RESF1: variants seen among roughly 807,000 people sequenced by gnomAD.
RESF1 encodes the protein retroelement silencing factor 1.
In RESF1, 65 loss-of-function variants were observed where a neutral mutation model predicts 134.7. The ratio of observed to expected loss-of-function variants is 0.48; its 90% confidence interval spans 0.40 to 0.59. The LOEUF is 0.59. RESF1 is among the 20% of genes least tolerant of loss of function. The probability of loss-of-function intolerance (pLI) is 0.00; values close to 1 mark genes in which losing one functional copy is unlikely to be tolerated. For synonymous variants in RESF1, 762 were observed against 702.2 expected (o/e 1.09, Z -1.35); for missense variants, 2,274 against 2,002.7 (o/e 1.14, Z -2.59).
intron 3 of RESF1, among the ~76,000 whole-genome samples, chr12:31,978,780 C>T (rs1166551551): frequency 6.9e-6 from 1 of 145,268 alleles, no homozygotes; most frequent in Non-Finnish European, 1.5e-5. Flanking sequence ...CCAGGATGGT[C>T]TCCATCTCCT....
At chr12:31,990,138 C>A (rs542468403) in intron 5 of RESF1, among the ~76,000 whole-genome samples, 1 of 152,244 alleles carries the variant, frequency 6.6e-6, no homozygotes, top group Non-Finnish European at 1.5e-5. Context: ...GAATCTGAAG[C>A]TGAAAACACT....
chr12:31,981,370 C>G lies in RESF1; in HGVS notation c.415C>G (p.Gln139Glu). The G allele has an allele frequency of 6.2e-7, 1 of 1,614,142 alleles. No homozygotes were observed. Among genetic ancestry groups the G allele is most frequent in the Non-Finnish European group, 8.5e-7 (1 of 1,180,030 alleles). The change falls in exon 4 of 6, where the codon CAA (glutamine) becomes GAA (glutamate). Residue 139 changes from glutamine (Q) to glutamate (E), a missense_variant. Coordinates refer to ENST00000312561, the MANE Select transcript of RESF1 (RefSeq NM_018169.4). The part of the protein sequence containing the change: ...HSHIGATVSH[Q>E]TDFGANVPNM... ...TCATATAGGGGCAACTGTATCTCAT[C>G]AAACTGATTTTGGAGCTAACGTACC...
In RESF1 at chr12:31,984,716, A is replaced by G. The variant is rs199921968; in HGVS notation, c.3761A>G (p.Asp1254Gly). 2.5e-6 allele frequency: 4 copies of G among 1,601,124 alleles called. No individual in the cohort carries two copies. The highest frequency in any genetic ancestry group is 1.1e-5 in the South Asian group (1 of 88,004). The change falls in exon 4 of 6, where the codon GAC becomes GGC. Residue 1254 changes from aspartate (D) to glycine (G), a missense_variant. Physicochemically the swap from Asp to Gly is moderately conservative, Grantham distance 94. Coordinates refer to ENST00000312561, the MANE Select transcript of RESF1 (RefSeq NM_018169.4). ...GKSHFPELQD[D>G]SRKDTPKTKH... is the part of the protein sequence containing the mutation. ...AGTCATTTTCCTGAACTACAAGACG[A>G]CAGTAGAAAAGATACACCCAAAACA...
chr12:31,985,943 A>C lies in RESF1; in HGVS notation c.4988A>C (p.Gln1663Pro). The change falls in exon 4 of 6, where the codon CAA becomes CCA. Residue 1663 changes from glutamine to proline, a missense_variant. Physicochemically the swap from Gln to Pro is moderately conservative, Grantham distance 76. Coordinates refer to ENST00000312561, the MANE Select transcript of RESF1 (RefSeq NM_018169.4). Reference protein sequence around the residue: ...KDVKPHPRKEQAPLQVSGIKS... With the variant: ...KDVKPHPRKEPAPLQVSGIKS... ...GTAAAGCCTCATCCTAGGAAGGAGC[A>C]AGCCCCTCTGCAAGGTCCAGTATGA... 2.0e-6 allele frequency: 3 copies of C among 1,487,820 alleles called. No individual in the cohort carries two copies. Among genetic ancestry groups the C allele is most frequent in the Non-Finnish European group, 2.7e-6 (3 of 1,124,666 alleles). 92.2% of individuals were successfully genotyped at this position (1,487,820 alleles called of 1,614,324 possible).
At chr12:31,965,852 CT>C (rs1393119414) in intron 2 of RESF1, among the ~76,000 whole-genome samples, 1 of 146,066 alleles carries the variant, frequency 6.8e-6, no homozygotes, top group Non-Finnish European at 1.5e-5. Context: ...GATCACGCCA[CT>C]GCACTCTAGC....
chr12:31,971,939 G>A (rs939145349), intron 3 of RESF1, among the ~76,000 whole-genome samples: 1 of 152,160 alleles, frequency 6.6e-6, no homozygotes, highest in South Asian at 2.1e-4. Context: ...GGGAGGGGGT[G>A]AGGTTAAGTT....
In RESF1 at chr12:31,987,287, CA is replaced by C; in HGVS notation, c.5054del (p.Lys1685ArgfsTer35). 6.2e-7 allele frequency: 1 copy of C among 1,602,520 alleles called. No homozygotes were observed. ...TKEDWLKFVA[T>X]KKRTQKDSQE... ...GAAGACTGGTTAAAATTTGTTGCTA[CA>C]AAGAAAAGGACACAGAAAGACAGCC... On this transcript the variant is annotated frameshift_variant, in exon 5 of 6. Coordinates refer to ENST00000312561, the MANE Select transcript of RESF1 (RefSeq NM_018169.4). LOFTEE classifies it low-confidence loss of function (END_TRUNC).
At chr12:31,974,736 G>A (rs1409040081) in intron 3 of RESF1, among the ~76,000 whole-genome samples, 1 of 152,080 alleles carries the variant, frequency 6.6e-6, no homozygotes, top group Non-Finnish European at 1.5e-5. Context: ...TGACGTAAAA[G>A]CCAGGGGACA....
chr12:31,967,732 G>A (rs1167894231), intron 2 of RESF1, among the ~76,000 whole-genome samples: 1 of 151,856 alleles, frequency 6.6e-6, no homozygotes, highest in East Asian at 1.9e-4. Context: ...GGCTGACTGG[G>A]TGCTATGGCT....
intron 2 of RESF1, among the ~76,000 whole-genome samples, chr12:31,967,905 C>T (rs777364638): frequency 2.2e-4 from 34 of 152,142 alleles, no homozygotes; most frequent in East Asian, 5.8e-4. Context: ...CCAGGACCAT[C>T]TGGGCTTAGA....
At chr12:31,963,537 C>T (rs1939329099) in intron 2 of RESF1, among the ~76,000 whole-genome samples, 1 of 152,276 alleles carries the variant, frequency 6.6e-6, no homozygotes, top group Middle Eastern at 3.4e-3. Context: ...TCAAGTTGTT[C>T]AGAGCATGCC....
At chr12:31,977,180 A>T (rs1447501219) in intron 3 of RESF1, among the ~76,000 whole-genome samples, 1 of 151,940 alleles carries the variant, frequency 6.6e-6, no homozygotes, top group Non-Finnish European at 1.5e-5. Flanking sequence ...GGGCATAAAG[A>T]TATTCTCATG....
chr12:31,983,360 A>G lies in RESF1; in HGVS notation c.2405A>G (p.Asn802Ser). The change falls in exon 4 of 6, where the codon AAT (asparagine) becomes AGT (serine). Residue 802 changes from asparagine to serine, a missense_variant. Physicochemically the swap from Asn to Ser is conservative, Grantham distance 46. Coordinates refer to ENST00000312561, the MANE Select transcript of RESF1 (RefSeq NM_018169.4). The part of the protein sequence containing the change: ...IKEGSVCSLQ[N>S]QLAENAKATA... ...GAAGGCAGTGTTTGTAGTTTACAAAATCAATTGGCAGAAAATGCAAAGGCA... is the reference window on the plus strand; with the variant it reads ...GAAGGCAGTGTTTGTAGTTTACAAAGTCAATTGGCAGAAAATGCAAAGGCA... 3 of 1,614,072 alleles carry G rather than the reference A, an allele frequency of 1.9e-6. No individual in the cohort carries two copies. Among genetic ancestry groups the G allele is most frequent in the Non-Finnish European group, 2.5e-6 (3 of 1,180,032 alleles).
rs1301407174 is a variant in RESF1, at chr12:31,984,052, C to T, written c.3097C>T (p.Pro1033Ser). The T allele has an allele frequency of 6.2e-7, 1 of 1,613,954 alleles. No homozygotes were observed. The highest frequency in any genetic ancestry group is 1.3e-5 in the African/African-American group (1 of 74,902). The change falls in exon 4 of 6, where the codon CCC becomes TCC. Residue 1033 changes from proline to serine, a missense_variant. Transcript: ENST00000312561. Reference sequence around the variant, plus strand: ...AATAGATGCATCCAGCAACTATACTCCCCAAGATCCTGCAAGAAATGAAAT... The same window carrying T: ...AATAGATGCATCCAGCAACTATACTTCCCAAGATCCTGCAAGAAATGAAAT... ...QEIDASSNYT[P>S]QDPARNEIHS...
intron 2 of RESF1, among the ~76,000 whole-genome samples, chr12:31,965,251 C>G (rs990079836): frequency 6.6e-6 from 1 of 152,142 alleles, no homozygotes; most frequent in Non-Finnish European, 1.5e-5. Context: ...GCCACTGCTC[C>G]CTGCCGGCTA....
Position 31,985,278 on chromosome 12 carries a change from T to A in RESF1, c.4323T>A (p.Ser1441Arg), listed in dbSNP as rs565070464. The part of the protein sequence containing the change: ...VDTKASSSKF[S>R]RILTPKEYLQ... ...CGAAAGCGAGTTCATCTAAATTTAG[T>A]AGAATTCTAACTCCTAAGGAGTATT... Residue 1441 changes from serine to arginine, a missense_variant, in exon 4 of 6, where the codon AGT becomes AGA. By Grantham distance (110) the Ser-to-Arg change is moderately radical (BLOSUM62 -1). Transcript: ENST00000312561. 2 of 1,612,230 alleles carry A rather than the reference T, an allele frequency of 1.2e-6. No individual in the cohort carries two copies. The highest frequency in any genetic ancestry group is 1.7e-4 in the Middle Eastern group (1 of 6,058).
At chr12:31,971,728 G>T (rs951808184) in intron 3 of RESF1, among the ~76,000 whole-genome samples, 2 of 152,098 alleles carry the variant, frequency 1.3e-5, no homozygotes, top group Non-Finnish European at 2.9e-5. Flanking sequence ...ACATCCCCTA[G>T]TTTCAGAATG....
At position 31,983,165 on chromosome 12, in the gene RESF1, C is replaced by A. The variant is rs774658680; in HGVS notation, c.2210C>A (p.Ala737Asp). Residue 737 changes from alanine to aspartate, a missense_variant, in exon 4 of 6, where the codon GCT (alanine) becomes GAT (aspartate). Ala to Asp is a moderately radical substitution (Grantham distance 126). Coordinates refer to ENST00000312561, the MANE Select transcript of RESF1 (RefSeq NM_018169.4). ...ATAAGTAATCCCTCACAGCAGACAG[C>A]TTTGTCGATGGTAATGCACAATTAT... ...NKISNPSQQT[A>D]LSMVMHNYES... 7 of 1,611,294 alleles carry A rather than the reference C, an allele frequency of 4.3e-6. No homozygotes were observed. The highest frequency in any genetic ancestry group is 1.7e-5 in the Admixed American group (1 of 59,394).
At chr12:31,972,545 G>T (rs147431400) in intron 3 of RESF1, among the ~76,000 whole-genome samples, 2,322 of 149,428 alleles carry the variant, frequency 0.016, 61 homozygotes, top group African/African-American at 0.054. Flanking sequence ...GGCGGAGCTC[G>T]CAGTGAGCCA....
Sources: allele counts gnomAD v4.1 joint callset (sites outside exome capture counted in the v4.1 genomes callset), GRCh38; gene constraint gnomAD v4.1.1; transcripts MANE v1.5; gene names NCBI Gene and HGNC (gene_info 2026-07-23, HGNC 2026-07-21).